The following UBE2F variants were observed in gnomAD, a reference collection of about 807,000 sequenced individuals.
UBE2F encodes the protein ubiquitin conjugating enzyme E2 F (putative), also known as NEDD8-conjugating enzyme UBE2F.
UBE2F carries 5 observed loss-of-function variants against 29.6 expected under a neutral mutation model. The ratio of observed to expected loss-of-function variants is 0.17; its 90% CI spans 0.09 to 0.36. The LOEUF (loss-of-function observed/expected upper bound fraction) is 0.36, where lower values mean the gene tolerates loss of function less well. Among genes scored for constraint, UBE2F ranks in the 10% least tolerant of loss-of-function variants. The pLI is 1.00. For synonymous variants in UBE2F, 66 were observed against 81.8 expected, an observed-to-expected ratio of 0.81 and a Z score of 1.04; for missense variants, 141 against 228.5, an observed-to-expected ratio of 0.62 and a Z score of 2.47.
intron 2 of UBE2F, among the ~76,000 whole-genome samples, chr2:237,978,465 A>G (rs2063325030): frequency 6.6e-6 from 1 of 152,188 alleles, no homozygotes; most frequent in Non-Finnish European, 1.5e-5. Flanking sequence ...AGTTCTGAAC[A>G]GTGATGGGAG....
chr2:237,999,820 CTTTTTTTTTTT>C (rs3054481), intron 4 of UBE2F, among the ~76,000 whole-genome samples: 1 of 119,882 alleles, frequency 8.3e-6, no homozygotes, highest in Admixed American at 8.4e-5. Flanking sequence ...TGATGTTGTT[CTTTTTTTTTTT>C]TTTTTTTTTT....
In UBE2F at chr2:238,040,197, A is replaced by C. The variant is rs1043696406; in HGVS notation, c.508-1091A>C. On this transcript the variant is annotated intron_variant, in intron 9 of 9. Coordinates refer to ENST00000272930, the MANE Select transcript of UBE2F (RefSeq NM_080678.3). This position sits in a 1 kb window ranked among gnomAD's most constrained non-coding sequence, Gnocchi z 4.4. ...CTGGAAAGGGTCGCTGTGCTAACTA[A>C]AAGTGTGGCAGGAGGGCAGGCACCT... Among the ~76,000 whole-genome samples the C allele has an allele frequency of 6.6e-6, 1 of 152,196 alleles. No homozygotes were observed. The highest frequency in any genetic ancestry group is 2.4e-5 in the African/African-American group (1 of 41,438).
intron 4 of UBE2F, among the ~76,000 whole-genome samples, chr2:238,011,602 ATAAT>A (rs1201945365): frequency 3.3e-5 from 5 of 152,256 alleles, no homozygotes; most frequent in African/African-American, 7.2e-5. Context: ...AATTTTGATG[ATAAT>A]TAAACATTTC....
At chr2:238,021,991 T>C (rs1350534872) in intron 5 of UBE2F, among the ~76,000 whole-genome samples, 1 of 152,244 alleles carries the variant, frequency 6.6e-6, no homozygotes, top group Non-Finnish European at 1.5e-5. Flanking sequence ...ATAAATCCTA[T>C]TAAATTACCT....
intron 6 of UBE2F, 52 bp downstream of exon 6, chr2:238,025,464 C>A: frequency 1.3e-6 from 2 of 1,496,362 alleles, no homozygotes; most frequent in Non-Finnish European, 1.8e-6. Flanking sequence ...CATGTGCAAG[C>A]GTTGGGCTTT....
intron 2 of UBE2F, 71 bp downstream of exon 2, chr2:237,973,296 GA>G (rs1221159238): frequency 3.3e-6 from 5 of 1,535,976 alleles, no homozygotes; most frequent in Non-Finnish European, 4.5e-6. Flanking sequence ...AGTCTTTGGG[GA>G]TATAAAGCAA....
chr2:238,026,850 C>A (rs2064443852), intron 6 of UBE2F, among the ~76,000 whole-genome samples: 1 of 152,178 alleles, frequency 6.6e-6, no homozygotes, highest in African/African-American at 2.4e-5. Flanking sequence ...ATACATTTTA[C>A]CAGACATACC....
chr2:238,036,112 G>A (rs369556107), intron 9 of UBE2F, among the ~76,000 whole-genome samples, 172 bp downstream of exon 9: 11 of 152,294 alleles, frequency 7.2e-5, no homozygotes, highest in African/African-American at 2.6e-4. Context: ...TGTAACCTCA[G>A]GAAAATGCTT....
chr2:238,000,319 C>T (rs1212591344), intron 4 of UBE2F, among the ~76,000 whole-genome samples: 2 of 151,956 alleles, frequency 1.3e-5, no homozygotes, highest in Non-Finnish European at 2.9e-5. Flanking sequence ...TTGTTATTTC[C>T]TTCCTAATAC....
chr2:237,984,089 ACTCCTCCTCTTTGTCTCTC>A (rs2063431245), intron 2 of UBE2F, among the ~76,000 whole-genome samples: 5 of 129,290 alleles, frequency 3.9e-5, no homozygotes, highest in African/African-American at 1.5e-4. Context: ...CCCCTCCCCT[ACTCCTCCTCTTTGTCTCTC>A]GTGGCTTTCT....
At chr2:237,980,980 A>C (rs1440516442) in intron 2 of UBE2F, among the ~76,000 whole-genome samples, 1 of 152,194 alleles carries the variant, frequency 6.6e-6, no homozygotes. Flanking sequence ...CACGCTTCAA[A>C]TGGGTCCTGT....
chr2:238,021,313 A>G (rs993272345), intron 5 of UBE2F, among the ~76,000 whole-genome samples: 2 of 152,200 alleles, frequency 1.3e-5, no homozygotes, highest in African/African-American at 2.4e-5. Context: ...ACCACAAGTG[A>G]CACCTGAACT....
chr2:237,993,249 G>A (rs1339063130), intron 3 of UBE2F, among the ~76,000 whole-genome samples: 1 of 152,024 alleles, frequency 6.6e-6, no homozygotes, highest in Admixed American at 6.5e-5. Flanking sequence ...GCCTCCCAAA[G>A]TTCTGGGATT....
rs76743182 is a variant in UBE2F, at chr2:237,987,985, T to C, written c.141T>C (p.Asn47=). 4.3e-3 allele frequency: 6,552 copies of C among 1,509,598 alleles called. 268 individuals are homozygous for C. In the African/African-American group the frequency reaches 0.085, roughly 20 times the overall value. 93.5% of individuals were successfully genotyped at this position (1,509,598 alleles called of 1,614,324 possible). A position where few individuals can be genotyped will look rare whatever the true frequency, so the allele number is the denominator to read the frequency against. ...CAGAGGTTGCAGAACTTGAAGCTAA[T>C]TTACCTTGTAAGTATAGCATCCCCA... The part of the protein sequence containing the change: ...LVKEVAELEA[N]LPCTCKVHFP... The change falls in exon 3 of 10, where the codon AAT becomes AAC. Residue 47 remains asparagine (N), a synonymous_variant. Transcript: ENST00000272930.
At chr2:238,028,131 T>C (rs1434181011) in intron 6 of UBE2F, among the ~76,000 whole-genome samples, 1 of 152,254 alleles carries the variant, frequency 6.6e-6, no homozygotes, top group Non-Finnish European at 1.5e-5. Flanking sequence ...GAGGCCAGGC[T>C]AGAACTTCCT....
intron 4 of UBE2F, among the ~76,000 whole-genome samples, chr2:238,006,247 G>A (rs899022533): frequency 6.6e-6 from 1 of 152,116 alleles, no homozygotes; most frequent in Non-Finnish European, 1.5e-5. Context: ...ACCAACTCTT[G>A]CATGAACTAA....
intron 2 of UBE2F, among the ~76,000 whole-genome samples, chr2:237,978,416 A>C (rs954685219): frequency 2.0e-5 from 3 of 152,230 alleles, no homozygotes; most frequent in Non-Finnish European, 4.4e-5. Flanking sequence ...TGGTATCTGC[A>C]CAACAGAGGC....
intron 4 of UBE2F, among the ~76,000 whole-genome samples, chr2:238,009,308 AT>A (rs753615517): frequency 9.2e-5 from 14 of 152,212 alleles, no homozygotes; most frequent in Non-Finnish European, 1.6e-4. Flanking sequence ...TTCTTTAAAT[AT>A]TTTTCTGTGA....
intron 2 of UBE2F, among the ~76,000 whole-genome samples, chr2:237,973,994 TTTTA>T (rs987011927): frequency 3.2e-4 from 49 of 152,272 alleles, no homozygotes; most frequent in African/African-American, 1.1e-3. Flanking sequence ...TAACTTTGTA[TTTTA>T]TTTATTTATT....
Sources: gnomAD v4.1 joint callset for allele counts (sites outside exome capture counted in the v4.1 genomes callset) on GRCh38, gnomAD v4.1.1 for gene constraint, Gnocchi (gnomAD v3.1) non-coding constraint, MANE v1.5 for transcripts, NCBI Gene and HGNC (gene_info 2026-07-23, HGNC 2026-07-21) for gene names.